Variants in ASCC3 observed in about 807,000 individuals in gnomAD.
The protein encoded by ASCC3 is ASC-1 complex subunit P200.
ASCC3 carries 158 observed loss-of-function variants against 256.3 expected under a neutral mutation model. That is an observed-to-expected ratio of 0.62 (90% CI 0.54 to 0.70). The LOEUF (loss-of-function observed/expected upper bound fraction) is 0.70. Ranked by LOEUF, ASCC3 falls within the 30% of genes least tolerant of loss-of-function variation. The probability of loss-of-function intolerance (pLI) is 0.00; values close to 1 mark genes in which losing one functional copy is unlikely to be tolerated. For synonymous variants in ASCC3, 948 were observed against 883.4 expected (o/e 1.07, Z -1.30); for missense variants, 2,259 against 2,626.0 (o/e 0.86, Z 3.05).
At chr6:100,661,323 T>TCTCACACACACACACACA (rs1435976050) in intron 16 of ASCC3, among the ~76,000 whole-genome samples, 1 of 141,516 alleles carries the variant, frequency 7.1e-6, no homozygotes, top group East Asian at 2.1e-4. Context: ...AACACAAAAG[T>TCTCACACACACACACACA]CACACACACA....
At chr6:100,816,674 T>A (rs1313623909) in intron 4 of ASCC3, among the ~76,000 whole-genome samples, 1 of 152,142 alleles carries the variant, frequency 6.6e-6, no homozygotes, top group Non-Finnish European at 1.5e-5. Flanking sequence ...ATATTGCATG[T>A]TCTCACTTAT....
chr6:100,587,419 T>C (rs1445908987), intron 36 of ASCC3, among the ~76,000 whole-genome samples: 1 of 152,192 alleles, frequency 6.6e-6, no homozygotes, highest in Non-Finnish European at 1.5e-5. Flanking sequence ...ACACATAGTG[T>C]TCAATAGTGA....
At chr6:100,545,954 G>A (rs1775701308) in intron 36 of ASCC3, among the ~76,000 whole-genome samples, 1 of 152,010 alleles carries the variant, frequency 6.6e-6, no homozygotes, top group African/African-American at 2.4e-5. Context: ...AAGAAATAAA[G>A]GCATCTAGAT....
chr6:100,834,025 C>G lies in ASCC3; in HGVS notation c.801+14123G>C, dbSNP rs573742813. 5.0e-3 allele frequency among the ~76,000 whole-genome samples: 756 copies of G among 152,232 alleles called. 9 individuals are homozygous for G. The highest frequency in any genetic ancestry group is 0.018 in the African/African-American group (730 of 41,530). On this transcript the variant is annotated intron_variant, in intron 4 of 41. Transcript: ENST00000369162. ...AAGTTGCAGTGAGCCGAGACAGCAC[C>G]ACTACACCCCAGCCTGGGTGACAGT...
chr6:100,516,056 A>G (rs1207550619), intron 39 of ASCC3, 124 bp downstream of exon 39: 15 of 1,169,228 alleles, frequency 1.3e-5, no homozygotes, highest in Non-Finnish European at 1.8e-5. Context: ...TCATAGTAGT[A>G]AATGGCAGAG....
intron 17 of ASCC3, among the ~76,000 whole-genome samples, chr6:100,654,745 T>C (rs1425422454): frequency 6.6e-6 from 1 of 152,018 alleles, no homozygotes; most frequent in Non-Finnish European, 1.5e-5. Context: ...AAAAACCTAA[T>C]AACGGCTTTA....
rs1582627733 is a variant in ASCC3 at position 100,646,702 on chromosome 6, A to G, written c.3546T>C (p.Val1182=). 1 of 1,613,724 alleles carries G rather than the reference A, an allele frequency of 6.2e-7. No homozygotes were observed. Among genetic ancestry groups the G allele is most frequent in the East Asian group, 2.2e-5 (1 of 44,848 alleles). ...VKQCVHQIPS[V]MMEASIQPIT... Reference sequence around the variant, plus strand: ...TAGGCTGAATGGATGCTTCCATCATAACAGAAGGAATCTGATGAACACATT... The same window carrying G: ...TAGGCTGAATGGATGCTTCCATCATGACAGAAGGAATCTGATGAACACATT... Residue 1182 remains valine, a synonymous_variant, in exon 22 of 42, where the codon GTT becomes GTC. Coordinates refer to ENST00000369162, the MANE Select transcript of ASCC3 (RefSeq NM_006828.4).
chr6:100,800,379 G>T lies in ASCC3; in HGVS notation c.1048C>A (p.Arg350=). The change falls in exon 6 of 42, where the codon CGA becomes AGA. Residue 350 remains arginine, a synonymous_variant. Transcript: ENST00000369162. ...AAATCTTCTCCAGCCTTTTTTTCTCGTCTGGCAATTCTTTTTTCTTCACGT... is the reference window on the plus strand; with the variant it reads ...AAATCTTCTCCAGCCTTTTTTTCTCTTCTGGCAATTCTTTTTTCTTCACGT... ...YRREEKRIAR[R]EKKAGEDLEV... 1 of 1,612,580 alleles carries T rather than the reference G, an allele frequency of 6.2e-7. No homozygotes were observed. Among genetic ancestry groups the T allele is most frequent in the Non-Finnish European group, 8.5e-7 (1 of 1,179,260 alleles).
intron 4 of ASCC3, among the ~76,000 whole-genome samples, chr6:100,836,444 T>C (rs927650379): frequency 1.2e-4 from 18 of 152,126 alleles, no homozygotes; most frequent in African/African-American, 4.1e-4. Flanking sequence ...GGGGTTTTAA[T>C]CATGAAGTGG....
At chr6:100,809,958 C>T (rs1442349413) in intron 4 of ASCC3, among the ~76,000 whole-genome samples, 1 of 152,076 alleles carries the variant, frequency 6.6e-6, no homozygotes, top group Non-Finnish European at 1.5e-5. Flanking sequence ...CCCTGGTACA[C>T]CAGAAGGAAA....
Position 100,508,925 on chromosome 6 carries a change from C to T in ASCC3, c.*461G>A, listed in dbSNP as rs907431123. On this transcript the variant is annotated 3_prime_UTR_variant, in exon 42 of 42. Transcript: ENST00000369162. ...TGATCATATCAAAGTATAAATTTTG[C>T]TAACAAGACACGCTGTGTACCACCT... is the stretch of plus-strand genomic sequence containing the variant. 1 of 166,184 alleles carries T rather than the reference C, an allele frequency of 6.0e-6. No individual in the cohort carries two copies. The highest frequency in any genetic ancestry group is 1.7e-4 in the East Asian group (1 of 5,812). The allele number at this position is 166,184 out of a possible 1,614,324, so 10.3% of individuals were successfully genotyped here. A position where few individuals can be genotyped will look rare whatever the true frequency, so the allele number is the denominator to read the frequency against.
chr6:100,863,374 G>A (rs1334969729), intron 3 of ASCC3, among the ~76,000 whole-genome samples: 1 of 152,158 alleles, frequency 6.6e-6, no homozygotes, highest in African/African-American at 2.4e-5. Context: ...TTTAAGTGCT[G>A]TTATTCACTG....
intron 13 of ASCC3, among the ~76,000 whole-genome samples, chr6:100,685,817 G>GT (rs1297013968): frequency 1.3e-5 from 2 of 152,096 alleles, no homozygotes; most frequent in African/African-American, 2.4e-5. Context: ...ATTTTAAAAG[G>GT]TTTCATTGTG....
At position 100,768,939 on chromosome 6, in the gene ASCC3, G is replaced by C. The variant is rs1203790891; in HGVS notation, c.1396-1594C>G. On this transcript the variant is annotated intron_variant, in intron 8 of 41. Transcript: ENST00000369162. ...ATACTTGGAAAATATCTAAATATTT[G>C]AAATGAAATAGCACACCTCCTTAAA... is the stretch of plus-strand genomic sequence containing the variant. 2.6e-5 allele frequency among the ~76,000 whole-genome samples: 4 copies of C among 152,056 alleles called. No individual in the cohort carries two copies. In the East Asian group the frequency reaches 5.8e-4, roughly 22 times the overall value.
At chr6:100,720,409 A>G (rs780618722) in intron 11 of ASCC3, among the ~76,000 whole-genome samples, 22 of 152,082 alleles carry the variant, frequency 1.4e-4, no homozygotes, top group Admixed American at 3.3e-4. Context: ...TCAAAAGAAC[A>G]GTAAATTTTC....
At chr6:100,747,843 T>C (rs1386022717) in intron 10 of ASCC3, among the ~76,000 whole-genome samples, 1 of 151,956 alleles carries the variant, frequency 6.6e-6, no homozygotes, top group East Asian at 1.9e-4. Flanking sequence ...ACATTAGTTA[T>C]ACCTCAATAA....
intron 4 of ASCC3, among the ~76,000 whole-genome samples, chr6:100,809,508 T>C (rs757595135): frequency 5.3e-5 from 8 of 152,110 alleles, no homozygotes; most frequent in Admixed American, 1.3e-4. Context: ...CACTGTTGTA[T>C]ATAGTCCGTC....
intron 10 of ASCC3, among the ~76,000 whole-genome samples, chr6:100,741,048 CT>C (rs1410174038): frequency 6.6e-6 from 1 of 152,176 alleles, no homozygotes; most frequent in Non-Finnish European, 1.5e-5. Flanking sequence ...TTACTGCTTT[CT>C]TCAAGAGTTC....
chr6:100,764,543 G>GTCA (rs1344039469), intron 10 of ASCC3, among the ~76,000 whole-genome samples: 7 of 152,160 alleles, frequency 4.6e-5, no homozygotes, highest in African/African-American at 1.7e-4. Context: ...AGAATCTGAT[G>GTCA]TCATATATAA....
Sources: gnomAD v4.1 joint callset for allele counts (sites outside exome capture counted in the v4.1 genomes callset) on GRCh38, gnomAD v4.1.1 for gene constraint, MANE v1.5 for transcripts, NCBI Gene and HGNC (gene_info 2026-07-23, HGNC 2026-07-21) for gene names.